Variants in CDH4 observed in about 807,000 individuals in gnomAD.
The protein encoded by CDH4 is cadherin-4.
In CDH4, 33 loss-of-function variants were observed where a neutral mutation model predicts 86.0. That is an observed-to-expected ratio of 0.38 (90% CI 0.29 to 0.51). The LOEUF is 0.51. Among genes scored for constraint, CDH4 ranks in the 20% least tolerant of loss-of-function variants. The probability of loss-of-function intolerance (pLI) is 0.86; values close to 1 mark genes in which losing one functional copy is unlikely to be tolerated. For synonymous variants in CDH4, 555 were observed against 549.4 expected, an observed-to-expected ratio of 1.01 and a Z score of -0.14; for missense variants, 1,114 against 1,307.4, an observed-to-expected ratio of 0.85 and a Z score of 2.28.
chr20:61,853,225 C>T (rs1246155315), intron 6 of CDH4, among the ~76,000 whole-genome samples: 1 of 152,110 alleles, frequency 6.6e-6, no homozygotes, highest in Admixed American at 6.5e-5. Flanking sequence ...GGGCTGGGAG[C>T]TGAAGCCTGA....
chr20:61,913,970 T>A lies in CDH4; in HGVS notation c.1374+3363T>A, dbSNP rs147109266. On this transcript the variant is annotated intron_variant, in intron 9 of 15. Transcript: ENST00000614565. ...AGCTCCACCCTCTCCTTGTCAGGCC[T>A]CTGTCTACGTGGTGAGAATGGGGTT... 7.6e-4 allele frequency among the ~76,000 whole-genome samples: 116 copies of A among 152,186 alleles called. 3 individuals are homozygous for A. Among genetic ancestry groups the A allele is most frequent in the South Asian group, 4.8e-3 (23 of 4,824 alleles).
intron 2 of CDH4, among the ~76,000 whole-genome samples, chr20:61,674,717 C>T (rs4925268): frequency 2.0e-5 from 3 of 152,126 alleles, no homozygotes; most frequent in African/African-American, 7.2e-5. Flanking sequence ...ATTGTTCATG[C>T]GAAATCTGAC....
At chr20:61,840,171 C>T (rs745631159) in intron 4 of CDH4, among the ~76,000 whole-genome samples, 5 of 152,148 alleles carry the variant, frequency 3.3e-5, no homozygotes, top group Non-Finnish European at 5.9e-5. Context: ...TGTCCGTCTG[C>T]GGGCTGACTG....
intron 2 of CDH4, among the ~76,000 whole-genome samples, chr20:61,615,936 C>T (rs1202822707): frequency 1.3e-5 from 2 of 152,198 alleles, no homozygotes; most frequent in East Asian, 1.9e-4. Flanking sequence ...TCAGCCCTGT[C>T]TCCTGTCTGA....
intron 2 of CDH4, among the ~76,000 whole-genome samples, chr20:61,337,174 G>T (rs1327416449): frequency 1.4e-5 from 2 of 141,652 alleles, no homozygotes; most frequent in Non-Finnish European, 1.6e-5. Context: ...ACATCCCATG[G>T]ATACCTGAGA....
At chr20:61,710,486 A>T (rs1173259240) in intron 2 of CDH4, among the ~76,000 whole-genome samples, 1 of 152,202 alleles carries the variant, frequency 6.6e-6, no homozygotes, top group Non-Finnish European at 1.5e-5. Flanking sequence ...GGAGCTTCAG[A>T]TGCACGTTCC....
chr20:61,285,642 AG>A, intron 2 of CDH4, among the ~76,000 whole-genome samples: 1 of 152,364 alleles, frequency 6.6e-6, no homozygotes, highest in Admixed American at 6.5e-5. Flanking sequence ...ATTGATGGAT[AG>A]TGTATTCAGT....
At chr20:61,606,351 C>T (rs1259090669) in intron 2 of CDH4, among the ~76,000 whole-genome samples, 1 of 152,178 alleles carries the variant, frequency 6.6e-6, no homozygotes, top group African/African-American at 2.4e-5. Context: ...ATCCTACAGA[C>T]GAGGGCACTG....
chr20:61,273,819 G>C (rs1200083541), intron 2 of CDH4, among the ~76,000 whole-genome samples: 1 of 150,992 alleles, frequency 6.6e-6, no homozygotes, highest in African/African-American at 2.4e-5. Flanking sequence ...ATGCAGTTTG[G>C]GGGAGTACTA....
chr20:61,839,427 ATG>A (rs1295810919), intron 4 of CDH4, among the ~76,000 whole-genome samples: 271 of 147,348 alleles, frequency 1.8e-3, no homozygotes, highest in African/African-American at 4.8e-3. Flanking sequence ...TGTGTGTGTG[ATG>A]TGTGTGTTTG....
At chr20:61,453,267 G>A (rs2085389899) in intron 2 of CDH4, among the ~76,000 whole-genome samples, 1 of 152,150 alleles carries the variant, frequency 6.6e-6, no homozygotes, top group Non-Finnish European at 1.5e-5. Context: ...GGGAGCAGTG[G>A]CAGTGATGGG....
At chr20:61,360,686 C>T (rs1055199617) in intron 2 of CDH4, among the ~76,000 whole-genome samples, 5 of 152,144 alleles carry the variant, frequency 3.3e-5, no homozygotes, top group African/African-American at 4.8e-5. Flanking sequence ...CTTACGGTTC[C>T]ACTCTGAACC....
intron 4 of CDH4, among the ~76,000 whole-genome samples, chr20:61,803,184 T>A (rs1242933324): frequency 6.9e-6 from 1 of 145,616 alleles, no homozygotes; most frequent in Non-Finnish European, 1.5e-5. Flanking sequence ...TCGTGGCGGC[T>A]GTGGACGGGC....
intron 2 of CDH4, among the ~76,000 whole-genome samples, chr20:61,660,111 C>T (rs554993663): frequency 9.3e-4 from 141 of 152,298 alleles, no homozygotes; most frequent in African/African-American, 3.3e-3. Flanking sequence ...TGGAAACACC[C>T]ACAGGTGGCT....
chr20:61,894,765 C>T, intron 7 of CDH4, 145 bp from the exon 8 acceptor site: 2 of 833,382 alleles, frequency 2.4e-6, no homozygotes, highest in Non-Finnish European at 3.7e-6. Context: ...TTGGAAAGGG[C>T]CCTGCGCCCA....
At chr20:61,357,646 T>C (rs2084758525) in intron 2 of CDH4, among the ~76,000 whole-genome samples, 2 of 152,216 alleles carry the variant, frequency 1.3e-5, no homozygotes, top group Non-Finnish European at 2.9e-5. Flanking sequence ...CAAGTGGTCA[T>C]TGCATCTCAG....
chr20:61,389,417 A>C (rs553918836), intron 2 of CDH4, among the ~76,000 whole-genome samples: 1 of 152,256 alleles, frequency 6.6e-6, no homozygotes, highest in African/African-American at 2.4e-5. Flanking sequence ...AAAAGTGAGC[A>C]TGTCTTTCTG....
chr20:61,911,109 T>A (rs2122929787), intron 9 of CDH4, among the ~76,000 whole-genome samples: 2 of 152,334 alleles, frequency 1.3e-5, no homozygotes, highest in African/African-American at 4.8e-5. Context: ...CAGAGACAGG[T>A]CTTATGATGC....
chr20:61,280,055 G>A (rs1010861756), intron 2 of CDH4, among the ~76,000 whole-genome samples: 6 of 152,154 alleles, frequency 3.9e-5, no homozygotes, highest in Non-Finnish European at 8.8e-5. Context: ...GAATGGCTGT[G>A]AAGTGCGGGG....
Sources: gnomAD v4.1 joint callset for allele counts (sites outside exome capture counted in the v4.1 genomes callset) on GRCh38, gnomAD v4.1.1 for gene constraint, MANE v1.5 for transcripts, NCBI Gene and HGNC (gene_info 2026-07-23, HGNC 2026-07-21) for gene names.